Variants in PACS1 observed in about 807,000 individuals in gnomAD.
PACS1 encodes the protein PACS-1.
In PACS1, 24 loss-of-function variants were observed where a neutral mutation model predicts 115.0. That is an observed-to-expected ratio of 0.21 (90% CI 0.15 to 0.29). The LOEUF is 0.29. Among genes scored for constraint, PACS1 ranks in the 10% least tolerant of loss-of-function variants. The pLI, the probability that PACS1 is intolerant of heterozygous loss-of-function variation, is 1.00. For synonymous variants in PACS1, 453 were observed against 504.5 expected (o/e 0.90, Z 1.37); for missense variants, 838 against 1,251.2 (o/e 0.67, Z 4.98).
intron 22 of PACS1, among the ~76,000 whole-genome samples, chr11:66,242,081 T>C (rs1855827014): frequency 6.6e-6 from 1 of 152,142 alleles, no homozygotes; most frequent in Non-Finnish European, 1.5e-5. Flanking sequence ...AAGGACGTGG[T>C]TGTGTTTTCA....
rs145850826 is a variant in PACS1 at position 66,152,738 on chromosome 11, G to A, written c.357-40748G>A. ...TACGTCTCTGAACTTGCATGGGGAG[G>A]GGAAGCAGGTAGAGAAAAGTGACAC... On this transcript the variant is annotated intron_variant, in intron 1 of 23. Coordinates refer to ENST00000320580, the MANE Select transcript of PACS1 (RefSeq NM_018026.4). 3.2e-4 allele frequency among the ~76,000 whole-genome samples: 49 copies of A among 152,228 alleles called. 2 individuals are homozygous for A. The highest frequency in any genetic ancestry group is 1.1e-3 in the African/African-American group (47 of 41,534).
intron 1 of PACS1, among the ~76,000 whole-genome samples, chr11:66,102,549 TC>T (rs1258240563): frequency 6.6e-6 from 1 of 151,976 alleles, no homozygotes; most frequent in Non-Finnish European, 1.5e-5. Context: ...GGTCTGGGAT[TC>T]CTGACCTCAA....
intron 1 of PACS1, among the ~76,000 whole-genome samples, chr11:66,123,189 C>CTTT (rs36008667): frequency 1.5e-4 from 21 of 137,670 alleles, no homozygotes; most frequent in Non-Finnish European, 2.3e-4. Context: ...AAATTGTTAG[C>CTTT]TTTTTTTTTT....
At chr11:66,186,069 C>T (rs1182808385) in intron 1 of PACS1, among the ~76,000 whole-genome samples, 1 of 152,034 alleles carries the variant, frequency 6.6e-6, no homozygotes, top group African/African-American at 2.4e-5. Context: ...GAGTTACAGA[C>T]CAGCCTGGGC....
At chr11:66,073,802 A>G (rs1229551007) in intron 1 of PACS1, among the ~76,000 whole-genome samples, 1 of 151,712 alleles carries the variant, frequency 6.6e-6, no homozygotes, top group African/African-American at 2.4e-5. Flanking sequence ...CATCCAGGCT[A>G]CAGTGTAGTG....
chr11:66,073,734 G>T (rs535598257), intron 1 of PACS1, among the ~76,000 whole-genome samples: 1 of 152,008 alleles, frequency 6.6e-6, no homozygotes, highest in East Asian at 1.9e-4. Context: ...TTGTTCTGTT[G>T]ATCACATTTT....
chr11:66,115,069 C>T (rs758019914), intron 1 of PACS1, among the ~76,000 whole-genome samples: 2 of 151,692 alleles, frequency 1.3e-5, no homozygotes, highest in Non-Finnish European at 2.9e-5. Context: ...ATTAGCCGGG[C>T]ATGCTGGCTC....
chr11:66,113,461 C>A (rs186221232), intron 1 of PACS1, among the ~76,000 whole-genome samples: 1 of 152,274 alleles, frequency 6.6e-6, no homozygotes, highest in African/African-American at 2.4e-5. Flanking sequence ...ACTTACTTAC[C>A]ATCAAGGCTA....
intron 1 of PACS1, among the ~76,000 whole-genome samples, chr11:66,113,773 A>C (rs1000480972): frequency 6.6e-6 from 1 of 152,232 alleles, no homozygotes. Context: ...CTCTGACATT[A>C]ATATACTTTA....
chr11:66,090,005 CAAAAA>C (rs33912143), intron 1 of PACS1, among the ~76,000 whole-genome samples: 1 of 80,596 alleles, frequency 1.2e-5, no homozygotes, highest in Non-Finnish European at 2.2e-5. Flanking sequence ...GACTCCATCT[CAAAAA>C]AAAAAAAAAA....
intron 1 of PACS1, among the ~76,000 whole-genome samples, chr11:66,158,407 TG>T (rs1365282225): frequency 1.3e-5 from 2 of 152,212 alleles, no homozygotes; most frequent in African/African-American, 4.8e-5. Context: ...GTAAAGCAGT[TG>T]GAAGATAGGC....
At chr11:66,116,643 A>G (rs1016865478) in intron 1 of PACS1, among the ~76,000 whole-genome samples, 2 of 152,222 alleles carry the variant, frequency 1.3e-5, no homozygotes, top group Admixed American at 1.3e-4. Context: ...CTGTAATCCC[A>G]GCACTTTGGC....
chr11:66,221,489 T>C, intron 10 of PACS1: 2 of 494,844 alleles, frequency 4.0e-6, no homozygotes, highest in East Asian at 3.5e-5. Flanking sequence ...CTACTAAAAA[T>C]ACAAAAATTA....
intron 21 of PACS1, among the ~76,000 whole-genome samples, chr11:66,240,628 G>A (rs1306876263): frequency 6.6e-6 from 1 of 151,976 alleles, no homozygotes; most frequent in South Asian, 2.1e-4. Context: ...AAGTACCCAC[G>A]CAGCCAAGTT....
intron 1 of PACS1, among the ~76,000 whole-genome samples, chr11:66,132,036 T>G (rs1035717072): frequency 6.6e-6 from 1 of 152,136 alleles, no homozygotes; most frequent in African/African-American, 2.4e-5. Flanking sequence ...GGGGATTGGT[T>G]CCACGAGCAG....
intron 1 of PACS1, among the ~76,000 whole-genome samples, chr11:66,076,350 G>C (rs1163040101): frequency 6.6e-6 from 1 of 152,202 alleles, no homozygotes; most frequent in Non-Finnish European, 1.5e-5. Context: ...GAAAATGTTA[G>C]AGCTGCGTCT....
At chr11:66,180,192 A>G (rs1859969456) in intron 1 of PACS1, among the ~76,000 whole-genome samples, 1 of 152,096 alleles carries the variant, frequency 6.6e-6, no homozygotes, top group African/African-American at 2.4e-5. Context: ...CAAATGCTCC[A>G]CTGCACTCCA....
intron 10 of PACS1, among the ~76,000 whole-genome samples, chr11:66,223,014 G>A (rs1308691117): frequency 6.9e-6 from 1 of 144,234 alleles, no homozygotes; most frequent in African/African-American, 2.6e-5. Flanking sequence ...GTTCCAGGCC[G>A]GGTTCATGGG....
rs59423838 is a variant in PACS1 at position 66,169,405 on chromosome 11, C to CTT, written c.357-24071_357-24070dup. Among the ~76,000 whole-genome samples the CTT allele has an allele frequency of 3.3e-4, 48 of 143,918 alleles. 1 individual carries two copies. In the East Asian group the frequency reaches 6.1e-3, roughly 18 times the overall value. 94.4% of individuals were successfully genotyped at this position (143,918 alleles called of 152,430 possible). On this transcript the variant is annotated intron_variant, in intron 1 of 23. Coordinates refer to ENST00000320580, the MANE Select transcript of PACS1 (RefSeq NM_018026.4). ...AAATCTAAATCTAACTGGTTCATTA[C>CTT]TTTTTTTTTTTGGAGACAGAGTCTC...
Sources: allele counts gnomAD v4.1 joint callset (sites outside exome capture counted in the v4.1 genomes callset), GRCh38; gene constraint gnomAD v4.1.1; transcripts MANE v1.5; gene names NCBI Gene and HGNC (gene_info 2026-07-23, HGNC 2026-07-21).